RPH3A: variants seen among roughly 807,000 people sequenced by gnomAD.
RPH3A encodes rabphilin-3A.
In RPH3A, 48 loss-of-function variants were observed where a neutral mutation model predicts 102.2. The ratio of observed to expected loss-of-function variants is 0.47; its 90% confidence interval spans 0.37 to 0.60. The LOEUF (loss-of-function observed/expected upper bound fraction) is 0.60, where lower values mean the gene tolerates loss of function less well. Ranked by LOEUF, RPH3A falls within the 20% of genes least tolerant of loss-of-function variation. The pLI is 0.00. For synonymous variants in RPH3A, 310 were observed against 324.3 expected (o/e 0.96, Z 0.47); for missense variants, 781 against 910.1 (o/e 0.86, Z 1.83).
At chr12:112,687,780 C>A (rs1227603226) in intron 1 of RPH3A, among the ~76,000 whole-genome samples, 4 of 152,184 alleles carry the variant, frequency 2.6e-5, no homozygotes, top group Non-Finnish European at 4.4e-5. Context: ...TGACCTCAGA[C>A]TCTTTCATCC....
intron 1 of RPH3A, among the ~76,000 whole-genome samples, chr12:112,686,009 G>A (rs1456818909): frequency 2.6e-5 from 4 of 152,310 alleles, no homozygotes; most frequent in South Asian, 2.1e-4. Flanking sequence ...TCTGAGAGCC[G>A]AGGTGGAAGA....
At chr12:112,654,178 G>C (rs1022503237) in intron 1 of RPH3A, among the ~76,000 whole-genome samples, 1 of 152,086 alleles carries the variant, frequency 6.6e-6, no homozygotes, top group African/African-American at 2.4e-5. Flanking sequence ...CGTCCTGGGG[G>C]GTTTGCTTGG....
chr12:112,663,068 G>T (rs1226979070), intron 1 of RPH3A, among the ~76,000 whole-genome samples: 1 of 150,336 alleles, frequency 6.7e-6, no homozygotes, highest in Non-Finnish European at 1.5e-5. Context: ...TGGTGTGTGT[G>T]TGTGTGTGTG....
intron 1 of RPH3A, among the ~76,000 whole-genome samples, chr12:112,638,030 A>C (rs1592919850): frequency 1.3e-5 from 2 of 151,954 alleles, no homozygotes; most frequent in East Asian, 3.9e-4. Context: ...CCTAATAGGA[A>C]GTGTTTGGGT....
intron 1 of RPH3A, among the ~76,000 whole-genome samples, chr12:112,746,829 C>T (rs1331391735): frequency 1.3e-5 from 2 of 152,106 alleles, no homozygotes; most frequent in Non-Finnish European, 2.9e-5. Flanking sequence ...CTGTCTCAGT[C>T]TCTCTCTGTC....
chr12:112,643,410 G>A (rs1280277396), intron 1 of RPH3A, among the ~76,000 whole-genome samples: 4 of 152,218 alleles, frequency 2.6e-5, no homozygotes, highest in Non-Finnish European at 5.9e-5. Context: ...TAAATGCTAA[G>A]CTAGAGTTAA....
At chr12:112,842,059 G>C (rs2042156792) in intron 4 of RPH3A, 2 of 455,992 alleles carry the variant, frequency 4.4e-6, no homozygotes, top group East Asian at 1.4e-4. Flanking sequence ...CAGTGATCCA[G>C]GCTGTGCGTT....
chr12:112,688,391 A>G (rs2040282697), intron 1 of RPH3A, among the ~76,000 whole-genome samples: 1 of 152,224 alleles, frequency 6.6e-6, no homozygotes, highest in African/African-American at 2.4e-5. Flanking sequence ...AGGAACTCCC[A>G]GAGGCTGGGA....
intron 1 of RPH3A, among the ~76,000 whole-genome samples, chr12:112,687,864 C>T (rs1268152406): frequency 2.6e-5 from 4 of 152,312 alleles, no homozygotes; most frequent in Non-Finnish European, 2.9e-5. Context: ...CAAAGGCCCA[C>T]CCCATTTCTT....
intron 1 of RPH3A, among the ~76,000 whole-genome samples, chr12:112,637,998 A>G (rs974913884): frequency 6.6e-6 from 1 of 151,754 alleles, no homozygotes; most frequent in Non-Finnish European, 1.5e-5. Flanking sequence ...TTGGAATCTG[A>G]TCCCCAACAT....
At chr12:112,856,219 C>T (rs2042408505) in intron 5 of RPH3A, among the ~76,000 whole-genome samples, 1 of 152,112 alleles carries the variant, frequency 6.6e-6, no homozygotes. Context: ...ATTGTACATC[C>T]ATTAACCTTT....
intron 1 of RPH3A, among the ~76,000 whole-genome samples, chr12:112,728,419 G>T (rs1354392348): frequency 6.6e-6 from 1 of 151,848 alleles, no homozygotes; most frequent in Non-Finnish European, 1.5e-5. Flanking sequence ...TTATAATCAT[G>T]GACAGGCATC....
intron 3 of RPH3A, among the ~76,000 whole-genome samples, chr12:112,834,725 T>C (rs2042021296): frequency 6.6e-6 from 1 of 152,198 alleles, no homozygotes; most frequent in Non-Finnish European, 1.5e-5. Context: ...ATAAAATTTT[T>C]TCATTCGTGT....
intron 2 of RPH3A, among the ~76,000 whole-genome samples, chr12:112,797,030 A>AAG (rs1428072892): frequency 2.0e-5 from 3 of 152,150 alleles, no homozygotes; most frequent in Non-Finnish European, 2.9e-5. Context: ...AGCCTAGGGT[A>AAG]AGACTCTGTC....
At chr12:112,673,510 T>C (rs557194355) in intron 1 of RPH3A, among the ~76,000 whole-genome samples, 2 of 151,926 alleles carry the variant, frequency 1.3e-5, no homozygotes, top group South Asian at 4.2e-4. Context: ...TTTAAAATTT[T>C]TGTAGAGATG....
rs563867473 is a variant in RPH3A at position 112,828,736 on chromosome 12, A to G, written c.71+347A>G. Among the ~76,000 whole-genome samples, 13 of 152,334 alleles carry G rather than the reference A, an allele frequency of 8.5e-5. No homozygotes were observed. In the East Asian group the frequency reaches 1.3e-3, roughly 16 times the overall value. ...CCCCTCTCGGGGCCCTAGTTACCTC[A>G]TCGGTCAAATAAGGAAGTTGCACTA... On this transcript the variant is annotated intron_variant, in intron 3 of 21. Transcript: ENST00000389385.
intron 1 of RPH3A, among the ~76,000 whole-genome samples, chr12:112,679,826 G>T (rs1301969719): frequency 6.6e-6 from 1 of 152,204 alleles, no homozygotes; most frequent in Non-Finnish European, 1.5e-5. Context: ...GCTAGTGGGG[G>T]TGGAGAGGTG....
chr12:112,858,049 G>C (rs2042439286), intron 5 of RPH3A, among the ~76,000 whole-genome samples: 1 of 151,982 alleles, frequency 6.6e-6, no homozygotes, highest in African/African-American at 2.4e-5. Flanking sequence ...TGGGAGGATT[G>C]CTTGATTGAG....
intron 1 of RPH3A, among the ~76,000 whole-genome samples, chr12:112,726,344 A>C (rs1023371127): frequency 6.7e-6 from 1 of 149,302 alleles, no homozygotes; most frequent in Admixed American, 6.7e-5. Flanking sequence ...TGAACTCCTG[A>C]CCTCAGGTGA....
Sources: allele counts gnomAD v4.1 joint callset (sites outside exome capture counted in the v4.1 genomes callset), GRCh38; gene constraint gnomAD v4.1.1; transcripts MANE v1.5; gene names NCBI Gene and HGNC (gene_info 2026-07-23, HGNC 2026-07-21).